The following ERBB4 variants were observed in gnomAD, a reference collection of about 807,000 sequenced individuals.
The protein encoded by ERBB4 is receptor tyrosine-protein kinase erbB-4.
A neutral mutation model predicts 158.0 loss-of-function variants in ERBB4; 42 were observed. The ratio of observed to expected loss-of-function variants is 0.27; its 90% CI spans 0.21 to 0.34. The LOEUF (loss-of-function observed/expected upper bound fraction) is 0.34. ERBB4 is among the 10% of genes least tolerant of loss of function. The probability of loss-of-function intolerance (pLI) is 1.00; values close to 1 mark genes in which losing one functional copy is unlikely to be tolerated. For synonymous variants in ERBB4, 583 were observed against 558.7 expected (o/e 1.04, Z -0.61); for missense variants, 1,333 against 1,624.1 (o/e 0.82, Z 3.08).
chr2:211,962,804 A>C (rs2081213777), intron 2 of ERBB4, among the ~76,000 whole-genome samples: 1 of 152,112 alleles, frequency 6.6e-6, no homozygotes, highest in Non-Finnish European at 1.5e-5. Flanking sequence ...ACAAGAAATG[A>C]CTGAGGTTTT....
intron 4 of ERBB4, among the ~76,000 whole-genome samples, chr2:211,784,387 T>C (rs12620444): frequency 0.27 from 40,649 of 152,098 alleles, 5,771 homozygotes; most frequent in African/African-American, 0.31. Context: ...TCCTTTAGCA[T>C]AGTGTCCTCA....
At chr2:211,424,002 T>C (rs901829751) in intron 23 of ERBB4, among the ~76,000 whole-genome samples, 153 bp downstream of exon 23, 6 of 152,184 alleles carry the variant, frequency 3.9e-5, no homozygotes, top group East Asian at 1.9e-4. Context: ...ATATTAATAA[T>C]AGTCACAACA....
chr2:212,111,307 C>A (rs1469269968), intron 2 of ERBB4, among the ~76,000 whole-genome samples: 1 of 152,200 alleles, frequency 6.6e-6, no homozygotes, highest in African/African-American at 2.4e-5. Flanking sequence ...TCCAGGCTCT[C>A]ATTAAACTAA....
chr2:212,227,615 T>C (rs1399678186), intron 1 of ERBB4, among the ~76,000 whole-genome samples: 1 of 152,180 alleles, frequency 6.6e-6, no homozygotes, highest in African/African-American at 2.4e-5. Flanking sequence ...TGAACATTAA[T>C]TGAGCATCCA....
intron 3 of ERBB4, among the ~76,000 whole-genome samples, chr2:211,906,939 T>C (rs1189554447): frequency 1.3e-5 from 2 of 151,674 alleles, no homozygotes; most frequent in Non-Finnish European, 2.9e-5. Flanking sequence ...GCCTTAGTTA[T>C]GGTCATTGGT....
At chr2:211,626,991 A>G (rs1270324798) in intron 17 of ERBB4, among the ~76,000 whole-genome samples, 1 of 152,044 alleles carries the variant, frequency 6.6e-6, no homozygotes, top group Non-Finnish European at 1.5e-5. Flanking sequence ...TTAGTAAGGA[A>G]ATGACGGTTT....
chr2:211,389,183 C>A (rs1445525551), intron 25 of ERBB4, among the ~76,000 whole-genome samples: 1 of 152,094 alleles, frequency 6.6e-6, no homozygotes, highest in Non-Finnish European at 1.5e-5. Context: ...CTACAGGCAC[C>A]TGCCACCACG....
At chr2:212,349,356 C>T (rs375949513) in intron 1 of ERBB4, among the ~76,000 whole-genome samples, 7 of 151,528 alleles carry the variant, frequency 4.6e-5, no homozygotes, top group South Asian at 2.1e-4. Context: ...CTGTGACTAG[C>T]GACTACCATA....
intron 13 of ERBB4, 93 bp from the exon 14 acceptor site, chr2:211,673,350 T>A: frequency 1.1e-6 from 1 of 880,294 alleles, no homozygotes; most frequent in Non-Finnish European, 1.9e-6. Context: ...ATTGGCAGAG[T>A]AAATTCTAAA....
intron 20 of ERBB4, among the ~76,000 whole-genome samples, chr2:211,494,187 G>A (rs1412988321): frequency 6.6e-6 from 1 of 152,058 alleles, no homozygotes; most frequent in Non-Finnish European, 1.5e-5. Flanking sequence ...ATTTTTAGTA[G>A]AGATAGGGTT....
chr2:212,011,201 T>C (rs2076378377), intron 2 of ERBB4, among the ~76,000 whole-genome samples: 1 of 152,164 alleles, frequency 6.6e-6, no homozygotes, highest in African/African-American at 2.4e-5. Context: ...AAAAATTATA[T>C]AAGTATTATT....
intron 1 of ERBB4, among the ~76,000 whole-genome samples, chr2:212,422,108 T>C (rs1574888870): frequency 6.6e-6 from 1 of 152,312 alleles, no homozygotes; most frequent in East Asian, 1.9e-4. Flanking sequence ...TCTTGTAATA[T>C]GACTAAATAG....
At chr2:212,370,066 CA>C (rs1163823777) in intron 1 of ERBB4, among the ~76,000 whole-genome samples, 1 of 152,074 alleles carries the variant, frequency 6.6e-6, no homozygotes, top group African/African-American at 2.4e-5. Context: ...TGTCCCCACC[CA>C]AATCTCACCT....
intron 1 of ERBB4, among the ~76,000 whole-genome samples, chr2:212,516,299 A>G (rs112275135): frequency 6.6e-6 from 1 of 152,042 alleles, no homozygotes; most frequent in Non-Finnish European, 1.5e-5. Flanking sequence ...TCTGAAATAT[A>G]TTATTTTAAT....
chr2:211,964,102 T>C (rs2081252707), intron 2 of ERBB4, among the ~76,000 whole-genome samples: 1 of 152,186 alleles, frequency 6.6e-6, no homozygotes, highest in South Asian at 2.1e-4. Flanking sequence ...ATCACCTTTC[T>C]CTTGGGAAGG....
chr2:211,961,650 C>A (rs1263464966), intron 2 of ERBB4, among the ~76,000 whole-genome samples: 3 of 152,126 alleles, frequency 2.0e-5, no homozygotes, highest in African/African-American at 7.2e-5. Context: ...CCTATGGTTT[C>A]ATCAAAGAGA....
At chr2:211,754,140 G>T (rs924471278) in intron 4 of ERBB4, among the ~76,000 whole-genome samples, 7 of 152,040 alleles carry the variant, frequency 4.6e-5, no homozygotes, top group African/African-American at 1.7e-4. Context: ...GATTACAGGC[G>T]TAAGCCACCG....
chr2:211,395,528 T>C (rs1299553623), intron 25 of ERBB4, among the ~76,000 whole-genome samples: 4 of 152,072 alleles, frequency 2.6e-5, no homozygotes, highest in South Asian at 2.1e-4. Context: ...TAAATATAGC[T>C]GAAAGCATTG....
chr2:212,011,754 A>C (rs914631312), intron 2 of ERBB4, among the ~76,000 whole-genome samples: 2 of 137,434 alleles, frequency 1.5e-5, no homozygotes, highest in African/African-American at 5.2e-5. Flanking sequence ...TGTCTCAAAG[A>C]AAAAAAAAAA....
Sources: allele counts gnomAD v4.1 joint callset (sites outside exome capture counted in the v4.1 genomes callset), GRCh38; gene constraint gnomAD v4.1.1; transcripts MANE v1.5; gene names NCBI Gene and HGNC (gene_info 2026-07-23, HGNC 2026-07-21).